Variants in VPS54 observed in about 807,000 individuals in gnomAD.
VPS54 encodes the protein vacuolar protein sorting-associated protein 54.
A neutral mutation model predicts 121.5 loss-of-function variants in VPS54; 45 were observed. The ratio of observed to expected loss-of-function variants is 0.37; its 90% CI spans 0.29 to 0.47. The LOEUF (loss-of-function observed/expected upper bound fraction) is 0.47. Ranked by LOEUF, VPS54 falls within the 20% of genes least tolerant of loss-of-function variation. The pLI, the probability that VPS54 is intolerant of heterozygous loss-of-function variation, is 0.99. For missense variants in VPS54, 1,090 were observed against 1,131.4 expected, an observed-to-expected ratio of 0.96 and a Z score of 0.52; for synonymous variants, 371 against 385.8, an observed-to-expected ratio of 0.96 and a Z score of 0.45.
chr2:63,907,271 C>A (rs1672940773), intron 20 of VPS54, among the ~76,000 whole-genome samples: 1 of 152,022 alleles, frequency 6.6e-6, no homozygotes, highest in Non-Finnish European at 1.5e-5. Flanking sequence ...GTAATCCCAG[C>A]ACTTTGGGAG....
chr2:63,904,869 A>C (rs151002562), intron 20 of VPS54, among the ~76,000 whole-genome samples: 2,689 of 152,362 alleles, frequency 0.018, 33 homozygotes, highest in Non-Finnish European at 0.022. Flanking sequence ...TGACCAAAAC[A>C]GAATTAGACT....
intron 6 of VPS54, among the ~76,000 whole-genome samples, chr2:63,965,253 G>T (rs932847103): frequency 1.3e-5 from 2 of 152,098 alleles, no homozygotes; most frequent in East Asian, 3.9e-4. Context: ...AAGGTGGGCG[G>T]ATCATGAGGT....
chr2:63,915,887 T>C (rs1673359187), intron 16 of VPS54, among the ~76,000 whole-genome samples: 1 of 152,234 alleles, frequency 6.6e-6, no homozygotes, highest in African/African-American at 2.4e-5. Context: ...ACCTCATCTC[T>C]ACCTTTGAGG....
At chr2:63,943,220 C>CA in intron 10 of VPS54, among the ~76,000 whole-genome samples, 1 of 152,062 alleles carries the variant, frequency 6.6e-6, no homozygotes. Flanking sequence ...TCATTAACTT[C>CA]AAGGTGAAAA....
intron 22 of VPS54, among the ~76,000 whole-genome samples, chr2:63,894,949 A>T (rs1365751744): frequency 1.3e-5 from 2 of 152,210 alleles, no homozygotes; most frequent in Admixed American, 6.5e-5. Context: ...TGGGAGAAAA[A>T]GGGAATCGGA....
intron 1 of VPS54, among the ~76,000 whole-genome samples, chr2:64,017,524 CT>C (rs1396826558): frequency 2.0e-5 from 3 of 152,208 alleles, no homozygotes; most frequent in Middle Eastern, 3.4e-3. Flanking sequence ...TCCTAGTAAA[CT>C]TTTAGTATTA....
intron 5 of VPS54, among the ~76,000 whole-genome samples, chr2:63,966,411 T>C (rs1453428113): frequency 6.6e-6 from 1 of 152,222 alleles, no homozygotes; most frequent in Non-Finnish European, 1.5e-5. Flanking sequence ...ATACAATAAA[T>C]ATTAAAACCA....
intron 20 of VPS54, 33 bp downstream of exon 20, chr2:63,912,312 G>T: frequency 1.3e-6 from 2 of 1,530,610 alleles, no homozygotes; most frequent in South Asian, 2.4e-5. Flanking sequence ...TAATGTCTTT[G>T]AACAAAGTCT....
chr2:63,916,838 G>A (rs1019510174), intron 16 of VPS54, 62 bp downstream of exon 16: 4 of 1,513,076 alleles, frequency 2.6e-6, no homozygotes, highest in Non-Finnish European at 3.7e-6. Flanking sequence ...CTTCAAGGGA[G>A]AACTAGAAGA....
Position 63,933,866 on chromosome 2 carries a change from T to G in VPS54, c.1546A>C (p.Met516Leu), listed in dbSNP as rs544323685. 1.9e-6 allele frequency: 3 copies of G among 1,613,878 alleles called. No individual in the cohort carries two copies. Among genetic ancestry groups the G allele is most frequent in the Admixed American group, 3.3e-5 (2 of 59,962 alleles). Residue 516 changes from methionine to leucine, a missense_variant, in exon 12 of 23, where the codon ATG (methionine) becomes CTG (leucine). Transcript: ENST00000272322. ...TEVAYLIHEGMFISDAFGEGE... is the reference protein window; with the variant it reads ...TEVAYLIHEGLFISDAFGEGE... ...TCACCGAATGCATCACTTATAAACA[T>G]GCCTTCATGGATTAAATAAGCCACC...
chr2:63,930,448 T>A (rs1674136041), intron 12 of VPS54, among the ~76,000 whole-genome samples: 1 of 152,094 alleles, frequency 6.6e-6, no homozygotes, highest in Non-Finnish European at 1.5e-5. Flanking sequence ...AAAAGGCCTT[T>A]GAAAAAATTC....
At chr2:63,949,199 A>AAT in intron 7 of VPS54, 36 bp from the exon 8 acceptor site, 1 of 1,576,278 alleles carries the variant, frequency 6.3e-7, no homozygotes. Flanking sequence ...ATTTATATTC[A>AAT]CTAAAAACTA....
chr2:63,964,522 A>G (rs2104566596), intron 6 of VPS54, among the ~76,000 whole-genome samples: 1 of 152,298 alleles, frequency 6.6e-6, no homozygotes, highest in East Asian at 1.9e-4. Flanking sequence ...ATATACTTAG[A>G]ATATGAAAGC....
intron 7 of VPS54, among the ~76,000 whole-genome samples, chr2:63,953,232 A>C (rs1157155423): frequency 6.6e-6 from 1 of 150,854 alleles, no homozygotes; most frequent in Non-Finnish European, 1.5e-5. Flanking sequence ...CCCAGGTTCA[A>C]GCAATTCTCG....
chr2:63,993,169 ACATATT>A (rs776748921), intron 1 of VPS54, among the ~76,000 whole-genome samples: 27 of 152,208 alleles, frequency 1.8e-4, no homozygotes, highest in Non-Finnish European at 3.2e-4. Context: ...TGGTCGATAA[ACATATT>A]CAACCTCAAA....
intron 12 of VPS54, among the ~76,000 whole-genome samples, chr2:63,932,825 C>CT (rs1366517848): frequency 6.6e-6 from 1 of 151,884 alleles, no homozygotes; most frequent in Non-Finnish European, 1.5e-5. Flanking sequence ...AATTGGTAAA[C>CT]TTTGTTTAAA....
In VPS54 at chr2:64,012,005, G is replaced by C. The variant is rs575587765; in HGVS notation, c.-21+6933C>G. 4.6e-5 allele frequency among the ~76,000 whole-genome samples: 7 copies of C among 152,192 alleles called. 1 individual carries two copies. The highest frequency in any genetic ancestry group is 3.3e-4 in the Admixed American group (5 of 15,300). On this transcript the variant is annotated intron_variant, in intron 1 of 22. Transcript: ENST00000272322. ...AAAAATATTAAATGTTAGTTTAAGG[G>C]AAAAGTAAATACAGGGTTTATGATT...
chr2:63,989,049 C>A (rs180893416), intron 1 of VPS54, among the ~76,000 whole-genome samples: 1 of 152,120 alleles, frequency 6.6e-6, no homozygotes, highest in African/African-American at 2.4e-5. Flanking sequence ...GTCTGCCTTA[C>A]GCAGTTGTAG....
At chr2:63,928,462 A>C (rs1674022096) in intron 12 of VPS54, among the ~76,000 whole-genome samples, 1 of 152,226 alleles carries the variant, frequency 6.6e-6, no homozygotes, top group Non-Finnish European at 1.5e-5. Flanking sequence ...AAATGCTGAG[A>C]GATTTTTGTC....
Sources: allele counts gnomAD v4.1 joint callset (sites outside exome capture counted in the v4.1 genomes callset), GRCh38; gene constraint gnomAD v4.1.1; transcripts MANE v1.5; gene names NCBI Gene and HGNC (gene_info 2026-07-23, HGNC 2026-07-21).